SC5D: variants seen among roughly 807,000 people sequenced by gnomAD.
SC5D encodes the protein lathosterol oxidase.
In SC5D, 21 loss-of-function variants were observed where a neutral mutation model predicts 23.9. That is an observed-to-expected ratio of 0.88 (90% CI 0.62 to 1.26). The LOEUF (loss-of-function observed/expected upper bound fraction) is 1.26. SC5D is among the 50% of genes most tolerant of loss of function. The pLI is 0.00. For synonymous variants in SC5D, 113 were observed against 125.9 expected (o/e 0.90, Z 0.68); for missense variants, 309 against 364.8 (o/e 0.85, Z 1.25).
rs906580697 is a variant in SC5D at position 121,311,926 on chromosome 11, T to C, written c.*4414T>C. ...AAGCCTAGATATTTTCACCTTAAAA[T>C]TGGAGGGTGAAAGACATTGAGGTGA... On this transcript the variant is annotated 3_prime_UTR_variant, in exon 5 of 5. Coordinates refer to ENST00000264027, the MANE Select transcript of SC5D (RefSeq NM_006918.5). Among the ~76,000 whole-genome samples, 1 of 152,148 alleles carries C rather than the reference T, an allele frequency of 6.6e-6. No homozygotes were observed. The highest frequency in any genetic ancestry group is 2.4e-5 in the African/African-American group (1 of 41,432).
At chr11:121,306,145 A>C in intron 3 of SC5D, 1 of 476,602 alleles carries the variant, frequency 2.1e-6, no homozygotes, top group South Asian at 2.2e-5. Context: ...ATATCTTTAT[A>C]GTTTAATTAA....
rs1285411104 is a variant in SC5D at position 121,305,993 on chromosome 11, A to C, written c.344-393A>C. ...GGGGTGGAGTATGGAATAAATGCTA[A>C]ATTTAAAGTATTTAGTGGAAAGTAT... On this transcript the variant is annotated intron_variant, in intron 3 of 4. Coordinates refer to ENST00000264027, the MANE Select transcript of SC5D (RefSeq NM_006918.5). 1.2e-5 allele frequency: 3 copies of C among 243,370 alleles called. No homozygotes were observed. In the East Asian group the frequency reaches 3.3e-4, roughly 27 times the overall value. The allele number at this position is 243,370 out of a possible 1,614,324, so 15.1% of individuals were successfully genotyped here.
chr11:121,307,191 T>A lies in SC5D; in HGVS notation c.579T>A (p.Val193=). Reference sequence around the variant, plus strand: ...TTATCTTTCCATTACACAAGGTGGTTTATTTAAGTCTGTACATCTTGGTTA... The same window carrying A: ...TTATCTTTCCATTACACAAGGTGGTATATTTAAGTCTGTACATCTTGGTTA... ...YPFIFPLHKV[V]YLSLYILVNI... is the part of the protein sequence containing the mutation. The change falls in exon 5 of 5, where the codon GTT becomes GTA. Residue 193 remains valine (V), a synonymous_variant. Transcript: ENST00000264027. 6.2e-7 allele frequency: 1 copy of A among 1,614,208 alleles called. No homozygotes were observed. The highest frequency in any genetic ancestry group is 1.1e-5 in the South Asian group (1 of 91,084).
intron 1 of SC5D, among the ~76,000 whole-genome samples, chr11:121,302,216 G>A (rs768447130): frequency 3.3e-5 from 5 of 152,120 alleles, no homozygotes; most frequent in Non-Finnish European, 5.9e-5. Context: ...GTTTATTAAC[G>A]TGGCCCAATA....
chr11:121,304,546 T>A, intron 3 of SC5D, 53 bp downstream of exon 3: 1 of 1,556,986 alleles, frequency 6.4e-7, no homozygotes, highest in Non-Finnish European at 8.8e-7. Flanking sequence ...ACAGGTTAGT[T>A]TCCTTAAAAA....
intron 1 of SC5D, among the ~76,000 whole-genome samples, chr11:121,298,789 C>T (rs926064822): frequency 6.6e-6 from 1 of 152,232 alleles, no homozygotes; most frequent in Admixed American, 6.5e-5. Context: ...CACCTGGATG[C>T]AGTCAGGCTG....
chr11:121,307,080 T>G lies in SC5D; in HGVS notation c.468T>G (p.Ile156Met). The change falls in exon 5 of 5, where the codon ATT becomes ATG. Residue 156 changes from isoleucine to methionine, a missense_variant. By Grantham distance (10) the Ile-to-Met change is conservative. Coordinates refer to ENST00000264027, the MANE Select transcript of SC5D (RefSeq NM_006918.5). ...VYKRLHKPHH[I>M]WKIPTPFASH... ...AGCGCCTACATAAACCTCACCATAT[T>G]TGGAAGATTCCTACTCCATTTGCAA... 1.2e-6 allele frequency: 2 copies of G among 1,614,194 alleles called. No individual in the cohort carries two copies. Among genetic ancestry groups the G allele is most frequent in the Non-Finnish European group, 1.7e-6 (2 of 1,180,018 alleles).
At chr11:121,306,535 A>G (rs1947966074) in intron 4 of SC5D, 49 bp downstream of exon 4, 3 of 894,054 alleles carry the variant, frequency 3.4e-6, no homozygotes, top group Non-Finnish European at 5.7e-6. Context: ...CATTTCAGCA[A>G]TGTATGATTA....
intron 1 of SC5D, chr11:121,293,179 C>T (rs562292096): frequency 1.2e-4 from 19 of 152,444 alleles, no homozygotes; most frequent in African/African-American, 4.6e-4. Context: ...GGGCCTTCCG[C>T]TCGCGCTGGG....
Position 121,312,525 on chromosome 11 carries a change from T to G in SC5D, c.*5013T>G, listed in dbSNP as rs1948018814. Among the ~76,000 whole-genome samples the G allele has an allele frequency of 1.3e-5, 2 of 152,176 alleles. No homozygotes were observed. Among genetic ancestry groups the G allele is most frequent in the Admixed American group, 6.5e-5 (1 of 15,284 alleles). On this transcript the variant is annotated 3_prime_UTR_variant, in exon 5 of 5. Transcript: ENST00000264027. ...TCCAACTACCAAAAAAGCAGACTTG[T>G]GTACTTGACAGATTTTTCTAAACAC...
rs104894297 is a variant in SC5D at position 121,303,512 on chromosome 11, A to G, written c.137A>G (p.Tyr46Cys). 6.2e-7 allele frequency: 1 copy of G among 1,613,862 alleles called. No homozygotes were observed. Among genetic ancestry groups the G allele is most frequent in the Admixed American group, 1.7e-5 (1 of 60,000 alleles). Residue 46 changes from tyrosine (Y) to cysteine (C), a missense_variant, in exon 2 of 5, where the codon TAT becomes TGT. Coordinates refer to ENST00000264027, the MANE Select transcript of SC5D (RefSeq NM_006918.5). ...ACAAATGTTGGTGCTTACATCCTTT[A>G]TTTCTTCTGTGCAACACTGAGCTAT... Reference protein sequence around the residue: ...IVTNVGAYILYFFCATLSYYF... With the variant: ...IVTNVGAYILCFFCATLSYYF...
intron 3 of SC5D, chr11:121,305,856 C>G (rs1386373759): frequency 6.4e-6 from 1 of 157,446 alleles, no homozygotes; most frequent in Admixed American, 6.2e-5. Flanking sequence ...GTTCTTGAAC[C>G]CCTATGATGA....
At chr11:121,304,558 AC>A in intron 3 of SC5D, 65 bp downstream of exon 3, 9 of 1,427,164 alleles carry the variant, frequency 6.3e-6, no homozygotes, top group Non-Finnish European at 7.8e-6. Context: ...CCTTAAAAAA[AC>A]AAGTCTGCCC....
chr11:121,308,569 C>T lies in SC5D; in HGVS notation c.*1057C>T, dbSNP rs947056559. On this transcript the variant is annotated 3_prime_UTR_variant, in exon 5 of 5. Transcript: ENST00000264027. ...TGTTGTAACAAATATATTGCAAAAA[C>T]ATAGTTTGTAAAGGCATTCTATAAG... The T allele has an allele frequency of 1.7e-4, 26 of 152,648 alleles. 1 individual carries two copies. Among genetic ancestry groups the T allele is most frequent in the African/African-American group, 5.8e-4 (24 of 41,536 alleles). 9.5% of individuals were successfully genotyped at this position (152,648 alleles called of 1,614,324 possible).
intron 3 of SC5D, chr11:121,305,251 G>A (rs936356450): frequency 1.3e-5 from 2 of 150,624 alleles, no homozygotes; most frequent in Non-Finnish European, 2.9e-5. Flanking sequence ...GTCAGTGACA[G>A]TTCTCAGCTC....
intron 3 of SC5D, 111 bp from the exon 4 acceptor site, chr11:121,306,275 T>G: frequency 2.8e-6 from 2 of 707,466 alleles, no homozygotes; most frequent in Admixed American, 4.0e-5. Context: ...ACAGATCATT[T>G]ATAATGTTTG....
chr11:121,295,912 C>T (rs1421072572), intron 1 of SC5D, among the ~76,000 whole-genome samples: 4 of 152,176 alleles, frequency 2.6e-5, no homozygotes, highest in East Asian at 1.9e-4. Flanking sequence ...TTTACTTGCG[C>T]GAAATCTCTG....
chr11:121,296,290 C>T (rs1379670245), intron 1 of SC5D, among the ~76,000 whole-genome samples: 1 of 152,196 alleles, frequency 6.6e-6, no homozygotes, highest in African/African-American at 2.4e-5. Context: ...AATTCCTCAG[C>T]AGGACAGCAG....
At chr11:121,300,407 A>G (rs532705409) in intron 1 of SC5D, among the ~76,000 whole-genome samples, 2 of 152,326 alleles carry the variant, frequency 1.3e-5, no homozygotes, top group African/African-American at 4.8e-5. Context: ...AGCCTCACCA[A>G]AGGCCACAAC....
Sources: allele counts gnomAD v4.1 joint callset (sites outside exome capture counted in the v4.1 genomes callset), GRCh38; gene constraint gnomAD v4.1.1; transcripts MANE v1.5; gene names NCBI Gene and HGNC (gene_info 2026-07-23, HGNC 2026-07-21).